RPS6KA2: variants seen among roughly 807,000 people sequenced by gnomAD.
RPS6KA2 encodes the protein ribosomal protein S6 kinase alpha-2.
RPS6KA2 carries 42 observed loss-of-function variants against 91.8 expected under a neutral mutation model. The ratio of observed to expected loss-of-function variants is 0.46; its 90% CI spans 0.36 to 0.59. The LOEUF (loss-of-function observed/expected upper bound fraction) is 0.59. Among genes scored for constraint, RPS6KA2 ranks in the 20% least tolerant of loss-of-function variants. The pLI, the probability that RPS6KA2 is intolerant of heterozygous loss-of-function variation, is 0.00. For missense variants in RPS6KA2, 798 were observed against 978.5 expected (o/e 0.82, Z 2.46); for synonymous variants, 414 against 393.6 (o/e 1.05, Z -0.61).
intron 5 of RPS6KA2, among the ~76,000 whole-genome samples, chr6:166,506,257 C>T (rs1645669065): frequency 6.6e-6 from 1 of 152,222 alleles, no homozygotes; most frequent in Non-Finnish European, 1.5e-5. Context: ...GGACAACTTC[C>T]CTCCTACTCC....
rs1293186092 is a variant in RPS6KA2, at chr6:166,626,057, T to C, written c.99+864A>G. Among the ~76,000 whole-genome samples the C allele has an allele frequency of 6.6e-6, 1 of 152,140 alleles. No individual in the cohort carries two copies. The highest frequency in any genetic ancestry group is 1.5e-5 in the Non-Finnish European group (1 of 68,030). On this transcript the variant is annotated intron_variant, in intron 1 of 20. Coordinates refer to ENST00000265678, the MANE Select transcript of RPS6KA2 (RefSeq NM_021135.6). This position sits in a 1 kb window ranked among gnomAD's most constrained non-coding sequence, Gnocchi z 4.1. ...CAGCCTTGAGGCAAAGGCGGGACAGTGTCAGGCGAAATCTTTGGGTCCCAG... is the reference window on the plus strand; with the variant it reads ...CAGCCTTGAGGCAAAGGCGGGACAGCGTCAGGCGAAATCTTTGGGTCCCAG...
rs184186651 is a variant in RPS6KA2, at chr6:166,497,382, G to T, written c.747+1126C>A. Among the ~76,000 whole-genome samples, 90 of 152,376 alleles carry T rather than the reference G, an allele frequency of 5.9e-4. 1 individual carries two copies. Among genetic ancestry groups the T allele is most frequent in the African/African-American group, 2.1e-3 (86 of 41,596 alleles). On this transcript the variant is annotated intron_variant, in intron 8 of 20. Coordinates refer to ENST00000265678, the MANE Select transcript of RPS6KA2 (RefSeq NM_021135.6). The stretch of plus-strand genomic sequence containing the variant: ...GCAGGAATGACCAGGGACGGAAGGG[G>T]CTTCCACAGGAAGGAGTAGCCACAA...
At chr6:166,515,790 G>A (rs1782625076) in intron 3 of RPS6KA2, among the ~76,000 whole-genome samples, 1 of 152,190 alleles carries the variant, frequency 6.6e-6, no homozygotes, top group Non-Finnish European at 1.5e-5. Context: ...GAGCTGCTGA[G>A]GGCAAATCTG....
intron 2 of RPS6KA2, among the ~76,000 whole-genome samples, chr6:166,845,092 G>A (rs746678867): frequency 5.3e-5 from 8 of 152,066 alleles, no homozygotes; most frequent in Non-Finnish European, 1.0e-4. Context: ...AGACTTTAAA[G>A]CAACAGCAGT....
Position 166,849,306 on chromosome 6 carries a change from A to C in RPS6KA2, c.123+8894T>G, listed in dbSNP as rs1173238178. Among the ~76,000 whole-genome samples the C allele has an allele frequency of 6.6e-6, 1 of 151,920 alleles. No homozygotes were observed. The highest frequency in any genetic ancestry group is 1.5e-5 in the Non-Finnish European group (1 of 67,964). On this transcript the variant is annotated intron_variant, in intron 2 of 21. Transcript: ENST00000503859. The surrounding 1 kb of genome is among the most constrained non-coding windows in gnomAD (Gnocchi z 4.9). Reference sequence around the variant, plus strand: ...TCTGCTGGTATGGCCCACGCAGAGCACTCCCTGTCACCCTATTTCTGCACA... The same window carrying C: ...TCTGCTGGTATGGCCCACGCAGAGCCCTCCCTGTCACCCTATTTCTGCACA...
At chr6:166,542,662 A>G (rs1415334094) in intron 1 of RPS6KA2, among the ~76,000 whole-genome samples, 1 of 152,214 alleles carries the variant, frequency 6.6e-6, no homozygotes, top group East Asian at 1.9e-4. Flanking sequence ...GACTGCAGGA[A>G]GTCCCGGGCA....
chr6:166,848,710 C>T (rs118009386), intron 2 of RPS6KA2, among the ~76,000 whole-genome samples: 4 of 151,370 alleles, frequency 2.6e-5, no homozygotes, highest in East Asian at 3.9e-4. Context: ...TATGAGAACA[C>T]GAAGGCATAA....
At chr6:166,567,962 G>C (rs3799614) in intron 1 of RPS6KA2, among the ~76,000 whole-genome samples, 21,269 of 152,170 alleles carry the variant, frequency 0.14, 1,642 homozygotes, top group South Asian at 0.23. Context: ...CCAAGGGCAC[G>C]CCAGTGCAGC....
intron 1 of RPS6KA2, among the ~76,000 whole-genome samples, chr6:166,593,773 ACAAT>A (rs1200509929): frequency 6.6e-6 from 1 of 152,226 alleles, no homozygotes; most frequent in Non-Finnish European, 1.5e-5. Context: ...GGTGATTAAC[ACAAT>A]CAATAAACAT....
At chr6:166,725,425 C>G (rs534246058) in intron 2 of RPS6KA2, among the ~76,000 whole-genome samples, 3 of 152,326 alleles carry the variant, frequency 2.0e-5, no homozygotes, top group East Asian at 3.9e-4. Context: ...AACTGGTCTA[C>G]CAGGTGCCTC....
At chr6:166,656,181 T>A (rs571284109) in intron 2 of RPS6KA2, among the ~76,000 whole-genome samples, 1 of 152,296 alleles carries the variant, frequency 6.6e-6, no homozygotes, top group East Asian at 1.9e-4. Context: ...CACAGCTTAT[T>A]GCTTAGAAAA....
rs58712416 is a variant in RPS6KA2, at chr6:166,510,554, CATATATATATATATAT to C, written c.299-213_299-198del. Among the ~76,000 whole-genome samples the C allele has an allele frequency of 3.7e-3, 288 of 78,756 alleles. 1 individual carries two copies. The highest frequency in any genetic ancestry group is 6.0e-3 in the Middle Eastern group (1 of 166). 51.7% of individuals were successfully genotyped at this position (78,756 alleles called of 152,430 possible). A position where few individuals can be genotyped will look rare whatever the true frequency, so the allele number is the denominator to read the frequency against. On this transcript the variant is annotated intron_variant, in intron 3 of 20. Coordinates refer to ENST00000265678, the MANE Select transcript of RPS6KA2 (RefSeq NM_021135.6). ...TTTAATACATTTGCTTTCTCTCTCT[CATATATATATATATAT>C]ATATATATATATATATATATATATA...
intron 2 of RPS6KA2, among the ~76,000 whole-genome samples, chr6:166,693,726 C>T (rs527859922): frequency 1.2e-4 from 18 of 152,316 alleles, no homozygotes; most frequent in East Asian, 1.9e-4. Flanking sequence ...AAACTCTAGC[C>T]GTGTCCACTA....
At chr6:166,786,813 AATTT>A (rs1778942743) in intron 2 of RPS6KA2, among the ~76,000 whole-genome samples, 1 of 152,232 alleles carries the variant, frequency 6.6e-6, no homozygotes, top group Non-Finnish European at 1.5e-5. Context: ...TTTTATGCTT[AATTT>A]TGGTTACTTT....
At chr6:166,432,065 G>A (rs1171804185) in intron 15 of RPS6KA2, among the ~76,000 whole-genome samples, 1 of 152,220 alleles carries the variant, frequency 6.6e-6, no homozygotes, top group Non-Finnish European at 1.5e-5. Flanking sequence ...TGGAGTTGGA[G>A]CGTGAGGAGG....
chr6:166,640,414 G>T (rs1014052578), intron 2 of RPS6KA2, among the ~76,000 whole-genome samples: 1 of 152,186 alleles, frequency 6.6e-6, no homozygotes, highest in Admixed American at 6.5e-5. Flanking sequence ...CCAGACAGGG[G>T]GAGCTGAGAA....
At chr6:166,696,890 A>C (rs1198841851) in intron 2 of RPS6KA2, among the ~76,000 whole-genome samples, 2 of 152,164 alleles carry the variant, frequency 1.3e-5, no homozygotes, top group African/African-American at 4.8e-5. Context: ...CAGCTCTCAA[A>C]CTATACCATT....
At chr6:166,832,184 T>A (rs189547103) in intron 2 of RPS6KA2, among the ~76,000 whole-genome samples, 1 of 151,968 alleles carries the variant, frequency 6.6e-6, no homozygotes, top group African/African-American at 2.4e-5. Flanking sequence ...GACCTGGGAG[T>A]ATTTTTAATG....
intron 2 of RPS6KA2, among the ~76,000 whole-genome samples, chr6:166,738,393 G>A (rs895164228): frequency 6.6e-6 from 1 of 152,164 alleles, no homozygotes; most frequent in Non-Finnish European, 1.5e-5. Context: ...GGATGGTCCA[G>A]GGAGAAGAAA....
Sources: allele counts gnomAD v4.1 joint callset (sites outside exome capture counted in the v4.1 genomes callset), GRCh38; gene constraint gnomAD v4.1.1; non-coding constraint Gnocchi (gnomAD v3.1); transcripts MANE v1.5; gene names NCBI Gene and HGNC (gene_info 2026-07-23, HGNC 2026-07-21).